The following METTL16 variants were observed in gnomAD, a reference collection of about 807,000 sequenced individuals.
METTL16 encodes RNA N(6)-adenosine-methyltransferase METTL16.
A neutral mutation model predicts 57.9 loss-of-function variants in METTL16; 19 were observed. The ratio of observed to expected loss-of-function variants is 0.33; its 90% CI spans 0.23 to 0.48. METTL16 has a LOEUF of 0.48. Ranked by LOEUF, METTL16 falls within the 20% of genes least tolerant of loss-of-function variation. The probability of loss-of-function intolerance (pLI) is 0.99; values close to 1 mark genes in which losing one functional copy is unlikely to be tolerated. For synonymous variants in METTL16, 246 were observed against 255.6 expected, an observed-to-expected ratio of 0.96 and a Z score of 0.36; for missense variants, 434 against 691.5, an observed-to-expected ratio of 0.63 and a Z score of 4.18.
At chr17:2,431,951 T>C (rs188302656) in intron 8 of METTL16, among the ~76,000 whole-genome samples, 1 of 152,116 alleles carries the variant, frequency 6.6e-6, no homozygotes, top group African/African-American at 2.4e-5. Context: ...CAATATTTTT[T>C]TTTTTTCTTT....
chr17:2,508,543 G>GA (rs2067564735), intron 1 of METTL16, among the ~76,000 whole-genome samples: 1 of 152,054 alleles, frequency 6.6e-6, no homozygotes, highest in Non-Finnish European at 1.5e-5. Flanking sequence ...ACCAGGTCCT[G>GA]AATACTCCAT....
chr17:2,496,413 C>T (rs7212063), intron 2 of METTL16, among the ~76,000 whole-genome samples: 4,162 of 151,592 alleles, frequency 0.027, 201 homozygotes, highest in African/African-American at 0.07. Flanking sequence ...ATCCCCCCAC[C>T]TCAGCCTCCC....
chr17:2,441,622 T>C (rs2066952670), intron 6 of METTL16, 63 bp from the exon 7 acceptor site: 1 of 1,075,438 alleles, frequency 9.3e-7, no homozygotes, highest in African/African-American at 1.6e-5. Flanking sequence ...AAACTAAGCA[T>C]TATTCAAGTG....
intron 2 of METTL16, among the ~76,000 whole-genome samples, chr17:2,490,137 G>A (rs1196368930): frequency 1.3e-5 from 2 of 152,210 alleles, no homozygotes; most frequent in African/African-American, 2.4e-5. Flanking sequence ...TGGAAGGTAA[G>A]TAGGGACTCG....
intron 8 of METTL16, among the ~76,000 whole-genome samples, chr17:2,435,698 G>A (rs562956588): frequency 2.6e-5 from 4 of 151,022 alleles, no homozygotes; most frequent in African/African-American, 7.3e-5. Context: ...ACTCTGGCAG[G>A]GGGGAGTCTG....
intron 2 of METTL16, among the ~76,000 whole-genome samples, chr17:2,485,587 T>C (rs186784484): frequency 6.6e-6 from 1 of 152,298 alleles, no homozygotes; most frequent in Admixed American, 6.5e-5. Flanking sequence ...AAAATGTTTA[T>C]TTTGAGCACT....
At chr17:2,428,492 C>T (rs1330019694) in intron 8 of METTL16, among the ~76,000 whole-genome samples, 1 of 129,348 alleles carries the variant, frequency 7.7e-6, no homozygotes, top group Non-Finnish European at 1.6e-5. Context: ...CCTGCCATTG[C>T]ACTCCAGCCC....
intron 6 of METTL16, among the ~76,000 whole-genome samples, chr17:2,457,100 A>G (rs11870524): frequency 0.28 from 41,549 of 149,010 alleles, 9,706 homozygotes; most frequent in African/African-American, 0.64. Context: ...TTGGGAGGCC[A>G]AGGCGGGTGG....
chr17:2,420,664 AAAAAAAGAAAAAAG>A lies in METTL16; in HGVS notation c.1062+53_1062+66del. On this transcript the variant is annotated intron_variant, in intron 9 of 9. Coordinates refer to ENST00000263092, the MANE Select transcript of METTL16 (RefSeq NM_024086.4). This position sits in a 1 kb window ranked among gnomAD's most constrained non-coding sequence, Gnocchi z 5.4. ...CCCTCTCTCCAAACTCTCAATAAAA[AAAAAAAGAAAAAAG>A]AAAAAAGAGAAGGATCATTATGAGT... The A allele has an allele frequency of 6.4e-7, 1 of 1,563,866 alleles. No homozygotes were observed. Among genetic ancestry groups the A allele is most frequent in the Non-Finnish European group, 8.6e-7 (1 of 1,161,802 alleles).
chr17:2,463,557 G>A (rs1288769065), intron 6 of METTL16, among the ~76,000 whole-genome samples: 1 of 151,984 alleles, frequency 6.6e-6, no homozygotes, highest in Admixed American at 6.6e-5. Flanking sequence ...TGCCTCCTGG[G>A]TTCAAGCGAT....
chr17:2,468,554 C>G (rs760003266), intron 4 of METTL16, among the ~76,000 whole-genome samples: 1 of 152,156 alleles, frequency 6.6e-6, no homozygotes, highest in Admixed American at 6.5e-5. Flanking sequence ...AAATTTATGA[C>G]CCATAGGAAC....
intron 6 of METTL16, among the ~76,000 whole-genome samples, chr17:2,448,191 T>C (rs2067028963): frequency 2.0e-5 from 3 of 148,578 alleles, no homozygotes; most frequent in Admixed American, 6.8e-5. Context: ...CGGCCGCCCC[T>C]ACTGGGAAGT....
chr17:2,446,402 C>T (rs79677596), intron 6 of METTL16, among the ~76,000 whole-genome samples: 1,606 of 152,280 alleles, frequency 0.011, 16 homozygotes, highest in Non-Finnish European at 0.018. Flanking sequence ...TGGTCTTCTA[C>T]GCAGAAAATT....
intron 5 of METTL16, among the ~76,000 whole-genome samples, chr17:2,465,635 G>A (rs2067188558): frequency 6.6e-6 from 1 of 151,778 alleles, no homozygotes; most frequent in East Asian, 1.9e-4. Flanking sequence ...GGCCAAGGTG[G>A]GCAGATCACT....
intron 8 of METTL16, among the ~76,000 whole-genome samples, chr17:2,435,131 G>A (rs1319151564): frequency 6.9e-6 from 1 of 145,710 alleles, no homozygotes; most frequent in Non-Finnish European, 1.5e-5. Flanking sequence ...GGACCTTTTT[G>A]TTGCTAAAAG....
At chr17:2,464,745 C>T in intron 5 of METTL16, among the ~76,000 whole-genome samples, 1 of 152,132 alleles carries the variant, frequency 6.6e-6, no homozygotes. Flanking sequence ...ACCCTTACCT[C>T]ATACCATATG....
intron 2 of METTL16, among the ~76,000 whole-genome samples, chr17:2,488,567 C>A (rs1186398361): frequency 2.7e-5 from 4 of 150,890 alleles, no homozygotes. Context: ...CCCCACCCAC[C>A]AAAAAAACAA....
intron 8 of METTL16, among the ~76,000 whole-genome samples, chr17:2,434,283 C>T (rs1053673008): frequency 8.5e-5 from 13 of 152,238 alleles, no homozygotes; most frequent in African/African-American, 2.9e-4. Context: ...ACTGTAACCT[C>T]CGCCCACTGT....
chr17:2,435,663 G>C (rs933976518), intron 8 of METTL16, among the ~76,000 whole-genome samples: 1 of 151,132 alleles, frequency 6.6e-6, no homozygotes, highest in Non-Finnish European at 1.5e-5. Flanking sequence ...GCTTGGGGCT[G>C]GGGTAGTGGT....
Sources: allele counts gnomAD v4.1 joint callset (sites outside exome capture counted in the v4.1 genomes callset), GRCh38; gene constraint gnomAD v4.1.1; non-coding constraint Gnocchi (gnomAD v3.1); transcripts MANE v1.5; gene names NCBI Gene and HGNC (gene_info 2026-07-23, HGNC 2026-07-21).